The following TYW3 variants were observed in gnomAD, a reference collection of about 807,000 sequenced individuals.
The protein encoded by TYW3 is tRNA-yW synthesizing protein 3 homolog.
TYW3 carries 26 observed loss-of-function variants against 23.1 expected under a neutral mutation model. That is an observed-to-expected ratio of 1.13 (90% CI 0.83 to 1.56). The LOEUF is 1.56. Among genes scored for constraint, TYW3 ranks in the 40% most tolerant of loss-of-function variants. The pLI, the probability that TYW3 is intolerant of heterozygous loss-of-function variation, is 0.00. For missense variants in TYW3, 316 were observed against 311.9 expected (o/e 1.01, Z -0.10); for synonymous variants, 102 against 105.7 (o/e 0.97, Z 0.21).
intron 4 of TYW3, 29 bp downstream of exon 4, chr1:74,748,851 T>C (rs1169161962): frequency 6.2e-7 from 1 of 1,600,890 alleles, no homozygotes; most frequent in Non-Finnish European, 8.6e-7. Context: ...GAGTAATTTT[T>C]TTAGTGTAAA....
Position 74,745,442 on chromosome 1 carries a change from T to A in TYW3, c.355-3309T>A, listed in dbSNP as rs539420120. On this transcript the variant is annotated intron_variant, in intron 3 of 5. Coordinates refer to ENST00000370867, the MANE Select transcript of TYW3 (RefSeq NM_138467.3). ...AGAGTGCTGATTGGTGCATCTACAA[T>A]CCTTTAGCTAGACACAGAGCACTGA... 1.0e-3 allele frequency among the ~76,000 whole-genome samples: 152 copies of A among 152,130 alleles called. 1 individual carries two copies. Among genetic ancestry groups the A allele is most frequent in the Non-Finnish European group, 1.8e-3 (121 of 67,958 alleles).
At chr1:74,744,137 G>C (rs2100761089) in intron 3 of TYW3, among the ~76,000 whole-genome samples, 1 of 152,214 alleles carries the variant, frequency 6.6e-6, no homozygotes, top group Admixed American at 6.5e-5. Context: ...TAATAGGAAG[G>C]GGAGCTATAG....
At position 74,758,011 on chromosome 1, in the gene TYW3, G is replaced by A. The variant is rs1039468679; in HGVS notation, c.560+5586G>A. On this transcript the variant is annotated intron_variant, in intron 5 of 5. Transcript: ENST00000370867. Reference sequence around the variant, plus strand: ...TCAGGTATGTCTTTATCAGCAGCACGAAAATGGACTAATACAGATGGCAAT... The same window carrying A: ...TCAGGTATGTCTTTATCAGCAGCACAAAAATGGACTAATACAGATGGCAAT... Among the ~76,000 whole-genome samples the A allele has an allele frequency of 9.9e-5, 15 of 152,282 alleles. No individual in the cohort carries two copies. In the South Asian group the frequency reaches 2.5e-3, roughly 25 times the overall value.
chr1:74,739,445 G>A (rs550169260), intron 3 of TYW3, among the ~76,000 whole-genome samples: 1 of 152,242 alleles, frequency 6.6e-6, no homozygotes, highest in Non-Finnish European at 1.5e-5. Context: ...AGTGCAAAAA[G>A]CAGCTCACTT....
At chr1:74,753,862 A>G (rs1648867830) in intron 5 of TYW3, among the ~76,000 whole-genome samples, 1 of 152,190 alleles carries the variant, frequency 6.6e-6, no homozygotes. Context: ...CAAGGATTTT[A>G]TGTAACATGT....
At chr1:74,742,110 G>A (rs1313823859) in intron 3 of TYW3, among the ~76,000 whole-genome samples, 5 of 152,172 alleles carry the variant, frequency 3.3e-5, no homozygotes, top group East Asian at 1.9e-4. Context: ...AACACAGACC[G>A]ACAAGTATTG....
At position 74,741,345 on chromosome 1, in the gene TYW3, C is replaced by G. The variant is rs191900711; in HGVS notation, c.354+2557C>G. Among the ~76,000 whole-genome samples the G allele has an allele frequency of 7.5e-3, 1,145 of 152,194 alleles. 8 individuals are homozygous for G. Among genetic ancestry groups the G allele is most frequent in the Admixed American group, 0.012 (187 of 15,282 alleles). The stretch of plus-strand genomic sequence containing the variant: ...AGGAGATGCAAGTCCTCCAATGGTT[C>G]GCAGGTGTATCGAGGCTGGTCTGGC... On this transcript the variant is annotated intron_variant, in intron 3 of 5. Transcript: ENST00000370867.
intron 3 of TYW3, among the ~76,000 whole-genome samples, chr1:74,741,788 A>C (rs1184308615): frequency 6.6e-6 from 1 of 152,212 alleles, no homozygotes; most frequent in Non-Finnish European, 1.5e-5. Context: ...CAACAAGGCC[A>C]TGGGCAAAAG....
chr1:74,742,527 C>A (rs1648399062), intron 3 of TYW3, among the ~76,000 whole-genome samples: 1 of 152,162 alleles, frequency 6.6e-6, no homozygotes, highest in East Asian at 1.9e-4. Flanking sequence ...ACCAAGGGTC[C>A]TTCCGTAGGT....
chr1:74,739,164 T>TG (rs1648262801), intron 3 of TYW3, among the ~76,000 whole-genome samples: 1 of 152,124 alleles, frequency 6.6e-6, no homozygotes, highest in Non-Finnish European at 1.5e-5. Context: ...ATGCATGAGG[T>TG]AAACATCTGT....
chr1:74,759,249 T>A (rs1557750750), intron 5 of TYW3, among the ~76,000 whole-genome samples: 2 of 152,082 alleles, frequency 1.3e-5, no homozygotes, highest in Admixed American at 1.3e-4. Context: ...CTGCAGAATA[T>A]CCATCAGACA....
chr1:74,740,957 A>G (rs1057014967), intron 3 of TYW3, among the ~76,000 whole-genome samples: 3 of 151,940 alleles, frequency 2.0e-5, no homozygotes, highest in African/African-American at 4.8e-5. Flanking sequence ...GCTGCTGGGA[A>G]TTTGGCGATG....
intron 1 of TYW3, among the ~76,000 whole-genome samples, chr1:74,734,878 C>T (rs892524724): frequency 6.6e-6 from 1 of 152,100 alleles, no homozygotes; most frequent in Non-Finnish European, 1.5e-5. Flanking sequence ...TGATTTTATT[C>T]GTAGTATTGG....
intron 3 of TYW3, among the ~76,000 whole-genome samples, chr1:74,741,576 G>C (rs1268861464): frequency 6.6e-6 from 1 of 152,164 alleles, no homozygotes; most frequent in Non-Finnish European, 1.5e-5. Context: ...GGATCTCCTG[G>C]TTGAAACAAC....
chr1:74,744,624 T>C (rs1648491486), intron 3 of TYW3, among the ~76,000 whole-genome samples: 1 of 152,120 alleles, frequency 6.6e-6, no homozygotes. Context: ...ATGTGTCCCA[T>C]CTGGGTCGCC....
chr1:74,753,614 G>A (rs1648861761), intron 5 of TYW3, among the ~76,000 whole-genome samples: 1 of 151,862 alleles, frequency 6.6e-6, no homozygotes, highest in South Asian at 2.1e-4. Context: ...CTAACTTCTG[G>A]GAAATACCTA....
chr1:74,755,397 T>A (rs1336493454), intron 5 of TYW3, among the ~76,000 whole-genome samples: 1 of 152,330 alleles, frequency 6.6e-6, no homozygotes, highest in African/African-American at 2.4e-5. Context: ...TGAATTCCAC[T>A]ATTATAGGTA....
intron 3 of TYW3, among the ~76,000 whole-genome samples, chr1:74,747,434 G>C (rs567430101): frequency 6.6e-6 from 1 of 151,316 alleles, no homozygotes; most frequent in Non-Finnish European, 1.5e-5. Flanking sequence ...TCAGGAGATC[G>C]AGACCATCCC....
At chr1:74,748,401 A>G (rs1648661415) in intron 3 of TYW3, among the ~76,000 whole-genome samples, 1 of 152,244 alleles carries the variant, frequency 6.6e-6, no homozygotes, top group African/African-American at 2.4e-5. Context: ...TACTCATTTT[A>G]AAAGATTTTG....
Sources: allele counts gnomAD v4.1 joint callset (sites outside exome capture counted in the v4.1 genomes callset), GRCh38; gene constraint gnomAD v4.1.1; transcripts MANE v1.5; gene names NCBI Gene and HGNC (gene_info 2026-07-23, HGNC 2026-07-21).